The following DHRS7 variants were observed in gnomAD, a reference collection of about 807,000 sequenced individuals.
DHRS7 encodes dehydrogenase/reductase 7.
DHRS7 carries 34 observed loss-of-function variants against 38.9 expected under a neutral mutation model. The observed-to-expected ratio is 0.87, with a 90% CI of 0.66 to 1.16. The LOEUF is 1.16. Ranked by LOEUF, DHRS7 falls within the 50% of genes most tolerant of loss-of-function variation. The pLI is 0.00. For synonymous variants in DHRS7, 158 were observed against 153.1 expected (o/e 1.03, Z -0.24); for missense variants, 421 against 407.0 (o/e 1.03, Z -0.30).
At chr14:60,159,305 T>C in intron 1 of DHRS7, 1 of 435,320 alleles carries the variant, frequency 2.3e-6, no homozygotes, top group Non-Finnish European at 4.2e-6. Flanking sequence ...TTCAAACAAC[T>C]GACACAAAAA....
chr14:60,153,101 C>G lies in DHRS7; in HGVS notation c.471G>C (p.Lys157Asn). The G allele has an allele frequency of 6.2e-7, 1 of 1,614,184 alleles. No homozygotes were observed. The highest frequency in any genetic ancestry group is 1.3e-5 in the African/African-American group (1 of 75,040). ...TCCCTAAGTAGTTAAGCTCTATTAG[C>G]TTTCTGTAGACATCCAAGCTGGTAT... is the stretch of plus-strand genomic sequence containing the variant. ...CMDTSLDVYR[K>N]LIELNYLGTV... Residue 157 changes from lysine (K) to asparagine (N), a missense_variant, in exon 4 of 7, where the codon AAG (lysine) becomes AAC (asparagine). Lys to Asn is a moderately conservative substitution (Grantham distance 94, BLOSUM62 0). Coordinates refer to ENST00000557185, the MANE Select transcript of DHRS7 (RefSeq NM_016029.4). This position sits in a 1 kb window ranked among gnomAD's most constrained non-coding sequence, Gnocchi z 4.4.
At position 60,153,246 on chromosome 14, in the gene DHRS7, T is replaced by A; in HGVS notation, c.394-68A>T. The A allele has an allele frequency of 6.5e-7, 1 of 1,548,768 alleles. No individual in the cohort carries two copies. Among genetic ancestry groups the A allele is most frequent in the Non-Finnish European group, 8.8e-7 (1 of 1,131,774 alleles). On this transcript the variant is annotated intron_variant, in intron 3 of 6. Coordinates refer to ENST00000557185, the MANE Select transcript of DHRS7 (RefSeq NM_016029.4). The surrounding 1 kb of genome is among the most constrained non-coding windows in gnomAD (Gnocchi z 4.4). ...TGTGGATAGATTGATGGAATTCCTA[T>A]GGATGGTTGGTTATTTTGTTAACTT... is the stretch of plus-strand genomic sequence containing the variant.
Position 60,165,085 on chromosome 14 carries a change from C to A in DHRS7, c.133+92G>T. ...AGCTCCACGCAACCCACAAAGGACC[C>A]GGGATCACTGCAGAACCCCCGGAGA... On this transcript the variant is annotated intron_variant, in intron 1 of 6. Transcript: ENST00000557185. The surrounding 1 kb of genome is among the most constrained non-coding windows in gnomAD (Gnocchi z 4.6). 1 of 1,500,256 alleles carries A rather than the reference C, an allele frequency of 6.7e-7. No homozygotes were observed. The highest frequency in any genetic ancestry group is 2.4e-5 in the East Asian group (1 of 41,510). 92.9% of individuals were successfully genotyped at this position (1,500,256 alleles called of 1,614,324 possible).
intron 1 of DHRS7, among the ~76,000 whole-genome samples, chr14:60,157,925 A>G (rs923406614): frequency 6.6e-6 from 1 of 152,140 alleles, no homozygotes; most frequent in African/African-American, 2.4e-5. Flanking sequence ...CTTAAGAAAA[A>G]GGTTCCATGT....
rs532940105 is a variant in DHRS7, at chr14:60,165,250, C to T, written c.60G>A (p.Val20=). 23 of 1,609,106 alleles carry T rather than the reference C, an allele frequency of 1.4e-5. No homozygotes were observed. The South Asian group carries it at 2.5e-4, about 18-fold the overall frequency. ...CAGCCCTCAGGAAGCGCAGCAGCTG[C>T]ACCAAGAGCAGGAGCAGCGCGCACA... ...LVLCALLLLL[V]QLLRFLRADG... Residue 20 remains valine, a synonymous_variant, in exon 1 of 7, where the codon GTG becomes GTA. Coordinates refer to ENST00000557185, the MANE Select transcript of DHRS7 (RefSeq NM_016029.4). The surrounding 1 kb of genome is among the most constrained non-coding windows in gnomAD (Gnocchi z 4.6).
intron 1 of DHRS7, chr14:60,159,199 A>C (rs1896715337): frequency 2.7e-6 from 1 of 365,108 alleles, no homozygotes; most frequent in Non-Finnish European, 5.5e-6. Context: ...TCCCTGTCAG[A>C]GGAGATGCGG....
chr14:60,168,617 A>G (rs1485504369), upstream of DHRS7: 16 of 1,461,076 alleles, frequency 1.1e-5, no homozygotes, highest in African/African-American at 1.4e-5. Flanking sequence ...TTCTTAAAAT[A>G]TGCAAATATT....
intron 1 of DHRS7, among the ~76,000 whole-genome samples, chr14:60,164,440 C>T (rs187084669): frequency 1.3e-5 from 2 of 152,154 alleles, no homozygotes; most frequent in African/African-American, 4.8e-5. Flanking sequence ...ACATCAGTTT[C>T]CCTATCTGGA....
At position 60,153,830 on chromosome 14, in the gene DHRS7, A is replaced by G. The variant is rs1307132299; in HGVS notation, c.393+129T>C. The G allele has an allele frequency of 2.2e-5, 15 of 682,594 alleles. No individual in the cohort carries two copies. The highest frequency in any genetic ancestry group is 3.6e-5 in the Non-Finnish European group (14 of 393,956). 42.3% of individuals were successfully genotyped at this position (682,594 alleles called of 1,614,324 possible). Reference sequence around the variant, plus strand: ...CAAAGGCTCAGAGATTAAGGGGCCCAACTCATGGGCCCGATCTCACTGCAT... The same window carrying G: ...CAAAGGCTCAGAGATTAAGGGGCCCGACTCATGGGCCCGATCTCACTGCAT... On this transcript the variant is annotated intron_variant, in intron 3 of 6. Coordinates refer to ENST00000557185, the MANE Select transcript of DHRS7 (RefSeq NM_016029.4). This position sits in a 1 kb window ranked among gnomAD's most constrained non-coding sequence, Gnocchi z 4.4.
At position 60,154,034 on chromosome 14, in the gene DHRS7, A is replaced by G. The variant is rs1257393415; in HGVS notation, c.318T>C (p.Leu106=). ...ENGNLKEKDI[L]VLPLDLTDTG... ...TGTCGGTCAGGTCAAGGGGCAAAAC[A>G]AGTATATCTTTTTCTTTTAAATTGC... Residue 106 remains leucine, a synonymous_variant, in exon 3 of 7, where the codon CTT becomes CTC. Transcript: ENST00000557185. The G allele has an allele frequency of 1.9e-6, 3 of 1,614,006 alleles. No homozygotes were observed. The Admixed American group carries it at 5.0e-5, about 27-fold the overall frequency.
chr14:60,150,763 G>C (rs1462215342), intron 4 of DHRS7, among the ~76,000 whole-genome samples: 1 of 152,168 alleles, frequency 6.6e-6, no homozygotes, highest in Non-Finnish European at 1.5e-5. Flanking sequence ...TGTGAATAGT[G>C]TATAAGGCAC....
chr14:60,168,702 C>G, upstream of DHRS7: 1 of 1,565,518 alleles, frequency 6.4e-7, no homozygotes, highest in Non-Finnish European at 8.7e-7. Context: ...CCAGGACCAG[C>G]CTTGGAGATA....
rs1352032198 is a variant in DHRS7 at position 60,161,505 on chromosome 14, C to A, written c.133+3672G>T. Among the ~76,000 whole-genome samples the A allele has an allele frequency of 6.6e-6, 1 of 152,166 alleles. No homozygotes were observed. Among genetic ancestry groups the A allele is most frequent in the African/African-American group, 2.4e-5 (1 of 41,430 alleles). ...TTAGGGAAGACAGCCATTATGTCTT[C>A]CCTAAGTCCTTTCATCTCTTACCTT... On this transcript the variant is annotated intron_variant, in intron 1 of 6. Transcript: ENST00000557185. This position sits in a 1 kb window ranked among gnomAD's most constrained non-coding sequence, Gnocchi z 4.2.
At position 60,156,167 on chromosome 14, in the gene DHRS7, T is replaced by A; in HGVS notation, c.134-15A>T. Reference sequence around the variant, plus strand: ...CAGCTCCCATTCTATGGAAGGAATGTAAATGGAAGGAAGAAAATAAGCAAT... The same window carrying A: ...CAGCTCCCATTCTATGGAAGGAATGAAAATGGAAGGAAGAAAATAAGCAAT... On this transcript the variant is annotated splice_polypyrimidine_tract_variant and intron_variant, in intron 1 of 6. Transcript: ENST00000557185. The A allele has an allele frequency of 6.5e-7, 1 of 1,532,912 alleles. No individual in the cohort carries two copies. Among genetic ancestry groups the A allele is most frequent in the Non-Finnish European group, 8.7e-7 (1 of 1,143,284 alleles). The allele number at this position is 1,532,912 out of a possible 1,614,324, so 95.0% of individuals were successfully genotyped here. A position where few individuals can be genotyped will look rare whatever the true frequency, so the allele number is the denominator to read the frequency against.
At chr14:60,159,987 T>C (rs1452292969) in intron 1 of DHRS7, among the ~76,000 whole-genome samples, 1 of 152,238 alleles carries the variant, frequency 6.6e-6, no homozygotes, top group Non-Finnish European at 1.5e-5. Context: ...AGATTTTTCA[T>C]TGAAACTGAA....
chr14:60,165,194 C>T lies in DHRS7; in HGVS notation c.116G>A (p.Trp39Ter). The T allele has an allele frequency of 6.2e-7, 1 of 1,612,996 alleles. No individual in the cohort carries two copies. The highest frequency in any genetic ancestry group is 2.2e-5 in the East Asian group (1 of 44,864). ...GTCCTCACCTGGGCGTCGTCCCTGC[C>T]ACTCGGCCCATAGTAGCGTCAGGTC... ...DGDLTLLWAE[W>*]QGRRPEWELT... The change falls in exon 1 of 7, where the codon TGG becomes TAG. Residue 39 changes from tryptophan (W) to a stop codon, truncating the protein, a stop_gained. Transcript: ENST00000557185. LOFTEE classifies it high-confidence loss of function. This position sits in a 1 kb window ranked among gnomAD's most constrained non-coding sequence, Gnocchi z 4.6.
Position 60,153,044 on chromosome 14 carries a change from G to A in DHRS7, c.528C>T (p.His176=). 1.9e-6 allele frequency: 3 copies of A among 1,614,190 alleles called. No individual in the cohort carries two copies. Among genetic ancestry groups the A allele is most frequent in the Non-Finnish European group, 1.7e-6 (2 of 1,180,032 alleles). The change falls in exon 4 of 7, where the codon CAC becomes CAT. Residue 176 remains histidine (H), a synonymous_variant. Transcript: ENST00000557185. This position sits in a 1 kb window ranked among gnomAD's most constrained non-coding sequence, Gnocchi z 4.4. ...TCTTTCCTTGCTTCCTCTCGATCAT[G>A]TGAGGCAGAACACATTTTGTCAAGG... The part of the protein sequence containing the change: ...TVSLTKCVLP[H]MIERKQGKIV...
rs56277430 is a variant in DHRS7, at chr14:60,150,196, C to CAA, written c.634-11_634-10dup. 533 of 1,184,902 alleles carry CAA rather than the reference C, an allele frequency of 4.5e-4. No homozygotes were observed. The highest frequency in any genetic ancestry group is 6.7e-4 in the South Asian group (26 of 38,734). 73.4% of individuals were successfully genotyped at this position (1,184,902 alleles called of 1,614,324 possible). The stretch of plus-strand genomic sequence containing the variant: ...AGGCCATTAAAAAAACCCTAACAGA[C>CAA]AAAAAAAAAAAAAAAGGAAAAAGGC... On this transcript the variant is annotated splice_polypyrimidine_tract_variant and intron_variant, in intron 4 of 6. Coordinates refer to ENST00000557185, the MANE Select transcript of DHRS7 (RefSeq NM_016029.4).
chr14:60,161,828 G>A lies in DHRS7; in HGVS notation c.133+3349C>T, dbSNP rs984129991. On this transcript the variant is annotated intron_variant, in intron 1 of 6. Coordinates refer to ENST00000557185, the MANE Select transcript of DHRS7 (RefSeq NM_016029.4). The surrounding 1 kb of genome is among the most constrained non-coding windows in gnomAD (Gnocchi z 4.2). ...TCCCCAGTGCCCCAGCACAGAGGCC[G>A]GCACATACAAGCAGCTAGTCAGGAG... Among the ~76,000 whole-genome samples, 1 of 152,142 alleles carries A rather than the reference G, an allele frequency of 6.6e-6. No homozygotes were observed. The highest frequency in any genetic ancestry group is 1.5e-5 in the Non-Finnish European group (1 of 68,028).
Sources: gnomAD v4.1 joint callset for allele counts (sites outside exome capture counted in the v4.1 genomes callset) on GRCh38, gnomAD v4.1.1 for gene constraint, Gnocchi (gnomAD v3.1) non-coding constraint, MANE v1.5 for transcripts, NCBI Gene and HGNC (gene_info 2026-07-23, HGNC 2026-07-21) for gene names.